The following ADAMTSL4 variants were observed in gnomAD, a reference collection of about 807,000 sequenced individuals.
The protein encoded by ADAMTSL4 is ADAMTS-like protein 4.
ADAMTSL4 carries 97 observed loss-of-function variants against 122.8 expected under a neutral mutation model. That is an observed-to-expected ratio of 0.79 (90% CI 0.67 to 0.93). The LOEUF (loss-of-function observed/expected upper bound fraction) is 0.93, where lower values mean the gene tolerates loss of function less well. Ranked by LOEUF, ADAMTSL4 falls within the 40% of genes least tolerant of loss-of-function variation. ADAMTSL4 has a pLI of 0.00. For missense variants in ADAMTSL4, 1,408 were observed against 1,453.5 expected (o/e 0.97, Z 0.51); for synonymous variants, 592 against 568.0 (o/e 1.04, Z -0.60).
chr1:150,558,315 G>T (rs746221240), intron 14 of ADAMTSL4, 158 bp from the exon 15 acceptor site: 15 of 1,509,728 alleles, frequency 9.9e-6, no homozygotes, highest in Non-Finnish European at 1.2e-5. Context: ...GGGACTGGGG[G>T]CCCAGGGCCC....
At position 150,559,094 on chromosome 1, in the gene ADAMTSL4, CCT is replaced by C. The variant is rs1672522185; in HGVS notation, c.2693_2694del (p.Pro898ArgfsTer11). On this transcript the variant is annotated frameshift_variant, in exon 16 of 19. Coordinates refer to ENST00000271643, the MANE Select transcript of ADAMTSL4 (RefSeq NM_019032.6). LOFTEE classifies it high-confidence loss of function. This position sits in a 1 kb window ranked among gnomAD's most constrained non-coding sequence, Gnocchi z 4.1. Reference sequence around the variant, plus strand: ...GAGCTGTCCAACAGGAAGCCGGCCCCCTGACATGCGCGCCTGCAGCCTGGGGC... The same window carrying C: ...GAGCTGTCCAACAGGAAGCCGGCCCCGACATGCGCGCCTGCAGCCTGGGGC... ...GQSCPTGSRP[P>X]DMRACSLGPC... is the part of the protein sequence containing the mutation. 8 of 1,612,926 alleles carry C rather than the reference CCT, an allele frequency of 5.0e-6. No homozygotes were observed. Among genetic ancestry groups the C allele is most frequent in the East Asian group, 2.2e-5 (1 of 44,868 alleles).
Position 150,550,013 on chromosome 1 carries a change from G to A in ADAMTSL4, c.-85+118G>A, listed in dbSNP as rs905647024. ...GAGGGCTCTGAGGGCCCGGGAATTC[G>A]GACTCAGGACAGGGATTCTCCATGG... On this transcript the variant is annotated intron_variant, in intron 2 of 18. Coordinates refer to ENST00000271643, the MANE Select transcript of ADAMTSL4 (RefSeq NM_019032.6). 29 of 272,748 alleles carry A rather than the reference G, an allele frequency of 1.1e-4. No homozygotes were observed. In the East Asian group the frequency reaches 2.8e-3, roughly 27 times the overall value. 16.9% of individuals were successfully genotyped at this position (272,748 alleles called of 1,614,324 possible). A position where few individuals can be genotyped will look rare whatever the true frequency, so the allele number is the denominator to read the frequency against.
rs753550085 is a variant in ADAMTSL4 at position 150,553,817 on chromosome 1, C to T, written c.826C>T (p.Arg276Cys). ...THSLGEGGFF[R>C]ASPQPRRPSS... is the part of the protein sequence containing the mutation. The stretch of plus-strand genomic sequence containing the variant: ...CTCCTTAGGAGAAGGTGGCTTCTTC[C>T]GTGCATCCCCTCAGCCACGAAGGCC... Residue 276 changes from arginine (R) to cysteine (C), a missense_variant, in exon 6 of 19, where the codon CGT becomes TGT. Physicochemically the swap from Arg to Cys is radical, Grantham distance 180. Transcript: ENST00000271643. 8.1e-6 allele frequency: 13 copies of T among 1,613,922 alleles called. No homozygotes were observed. The highest frequency in any genetic ancestry group is 5.5e-5 in the South Asian group (5 of 91,084).
rs1560293274 is a variant in ADAMTSL4 at position 150,555,642 on chromosome 1, T to TACACACATATGTATGAACACATGC, written c.1371+83_1371+106dup. 3.5e-5 allele frequency: 55 copies of TACACACATATGTATGAACACATGC among 1,574,808 alleles called. 1 individual carries two copies. Among genetic ancestry groups the TACACACATATGTATGAACACATGC allele is most frequent in the Non-Finnish European group, 4.6e-5 (53 of 1,155,610 alleles). ...ACATGCCCCCATATGCATACACATG[T>TACACACATATGTATGAACACATGC]ACACACATATGTATGAACACATGCA... On this transcript the variant is annotated intron_variant, in intron 8 of 18. Transcript: ENST00000271643.
chr1:150,557,828 G>C, intron 13 of ADAMTSL4, 117 bp from the exon 14 acceptor site: 6 of 1,411,000 alleles, frequency 4.3e-6, no homozygotes, highest in Non-Finnish European at 5.8e-6. Context: ...AACGCCAAAC[G>C]TGCCCACTCT....
In ADAMTSL4 at chr1:150,556,647, A is replaced by G. The variant is rs202041000; in HGVS notation, c.1603A>G (p.Ile535Val). The change falls in exon 10 of 19, where the codon ATC becomes GTC. Residue 535 changes from isoleucine to valine, a missense_variant. Physicochemically the swap from Ile to Val is conservative, Grantham distance 29 (BLOSUM62 3). Coordinates refer to ENST00000271643, the MANE Select transcript of ADAMTSL4 (RefSeq NM_019032.6). This position sits in a 1 kb window ranked among gnomAD's most constrained non-coding sequence, Gnocchi z 4.1. ...ACTTCGTGGCCCTGGGGGCCGGTCC[A>G]TCATCAATGGGAACTGGGCTGTGGA... ...LALRGPGGRS[I>V]INGNWAVDPP... is the part of the protein sequence containing the mutation. 1.9e-6 allele frequency: 3 copies of G among 1,614,002 alleles called. No individual in the cohort carries two copies. The highest frequency in any genetic ancestry group is 1.7e-6 in the Non-Finnish European group (2 of 1,180,002).
At chr1:150,551,679 G>A (rs587732756) in intron 2 of ADAMTSL4, 36 of 155,598 alleles carry the variant, frequency 2.3e-4, no homozygotes, top group Admixed American at 2.0e-3. Context: ...CAGGAGAAGC[G>A]CTTGAGGCCT....
chr1:150,558,753 TGC>T (rs758669287), intron 15 of ADAMTSL4, 104 bp downstream of exon 15: 16 of 1,592,518 alleles, frequency 1.0e-5, no homozygotes, highest in Non-Finnish European at 1.4e-5. Flanking sequence ...ATCAAGCGCC[TGC>T]TATATGCCTG....
rs755516700 is a variant in ADAMTSL4, at chr1:150,557,943, A to G, written c.2178-2A>G. On this transcript the variant is annotated splice_acceptor_variant, in intron 13 of 18. Coordinates refer to ENST00000271643, the MANE Select transcript of ADAMTSL4 (RefSeq NM_019032.6). LOFTEE classifies it high-confidence loss of function. The stretch of plus-strand genomic sequence containing the variant: ...TCTTCCCTGCCCTGCTGGTGCCTGC[A>G]GCTGGGAGGCTGGCGAGTGGACATC... 6 of 1,605,510 alleles carry G rather than the reference A, an allele frequency of 3.7e-6. No homozygotes were observed. The highest frequency in any genetic ancestry group is 1.1e-5 in the South Asian group (1 of 90,974).
chr1:150,555,733 GCACA>G (rs369710144), intron 8 of ADAMTSL4, among the ~76,000 whole-genome samples, 168 bp downstream of exon 8: 1 of 150,142 alleles, frequency 6.7e-6, no homozygotes, highest in Admixed American at 6.6e-5. Context: ...ACACACACAC[GCACA>G]CACACGCATA....
At chr1:150,550,085 T>C (rs1052013873) in intron 2 of ADAMTSL4, 190 bp downstream of exon 2, 1 of 369,242 alleles carries the variant, frequency 2.7e-6, no homozygotes, top group Non-Finnish European at 5.5e-6. Context: ...CAGGGAGACC[T>C]GGGGGTGAAG....
intron 13 of ADAMTSL4, 159 bp downstream of exon 13, chr1:150,557,782 C>A: frequency 1.5e-6 from 2 of 1,302,458 alleles, no homozygotes; most frequent in South Asian, 1.4e-5. Flanking sequence ...GCAAGAAAGC[C>A]ATGGCAGGCT....
Position 150,555,656 on chromosome 1 carries a change from T to G in ADAMTSL4, c.1371+91T>G, listed in dbSNP as rs1047397817. 4 of 1,563,200 alleles carry G rather than the reference T, an allele frequency of 2.6e-6. No individual in the cohort carries two copies. The South Asian group carries it at 4.6e-5, about 18-fold the overall frequency. On this transcript the variant is annotated intron_variant, in intron 8 of 18. Coordinates refer to ENST00000271643, the MANE Select transcript of ADAMTSL4 (RefSeq NM_019032.6). The stretch of plus-strand genomic sequence containing the variant: ...GCATACACATGTACACACATATGTA[T>G]GAACACATGCACACATGCAAGCACA...
chr1:150,550,575 G>C (rs1325301026), intron 2 of ADAMTSL4: 6 of 374,928 alleles, frequency 1.6e-5, no homozygotes, highest in Non-Finnish European at 3.2e-5. Flanking sequence ...ATCAGAGAAG[G>C]GGCAGGCAGT....
chr1:150,557,568 G>A lies in ADAMTSL4; in HGVS notation c.2122G>A (p.Gly708Ser), dbSNP rs1672298052. Residue 708 changes from glycine (G) to serine (S), a missense_variant, in exon 13 of 19, where the codon GGT (glycine) becomes AGT (serine). Physicochemically the swap from Gly to Ser is moderately conservative, Grantham distance 56. Coordinates refer to ENST00000271643, the MANE Select transcript of ADAMTSL4 (RefSeq NM_019032.6). ...EELDERSCAAGARPPASPEPC... is the reference protein window; with the variant it reads ...EELDERSCAASARPPASPEPC... ...ACTGGATGAACGCAGCTGTGCCGCG[G>A]GTGCCAGGCCCCCAGCCTCCCCTGA... The A allele has an allele frequency of 6.2e-7, 1 of 1,606,504 alleles. No individual in the cohort carries two copies. The highest frequency in any genetic ancestry group is 1.1e-5 in the South Asian group (1 of 90,182).
chr1:150,553,025 G>A lies in ADAMTSL4; in HGVS notation c.206G>A (p.Arg69Gln), dbSNP rs780795465. ...PCGVGVQRRS[R>Q]TCQLPTVQLH... ...GGGGTGGGGGTGCAGCGCAGGAGCC[G>A]GACATGTCAGCTCCCTACAGTGCAG... Residue 69 changes from arginine (R) to glutamine (Q), a missense_variant, in exon 5 of 19, where the codon CGG becomes CAG. Coordinates refer to ENST00000271643, the MANE Select transcript of ADAMTSL4 (RefSeq NM_019032.6). The A allele has an allele frequency of 1.1e-5, 17 of 1,613,276 alleles. 1 individual carries two copies. Among genetic ancestry groups the A allele is most frequent in the South Asian group, 6.6e-5 (6 of 91,064 alleles).
At chr1:150,550,932 AG>A (rs1671344455) in intron 2 of ADAMTSL4, 1 of 456,260 alleles carries the variant, frequency 2.2e-6, no homozygotes, top group African/African-American at 2.0e-5. Context: ...GGCCCACCTC[AG>A]CAATGCGAGG....
chr1:150,557,713 A>C, intron 13 of ADAMTSL4, 90 bp downstream of exon 13: 1 of 1,446,604 alleles, frequency 6.9e-7, no homozygotes, highest in East Asian at 2.4e-5. Context: ...CACTCAACGC[A>C]ACATCTCCTG....
intron 2 of ADAMTSL4, chr1:150,551,089 G>T (rs1265033009): frequency 6.9e-6 from 3 of 434,668 alleles, no homozygotes; most frequent in Non-Finnish European, 1.4e-5. Context: ...AGTCAGGCTT[G>T]GTGGCTGGGG....
Sources: allele counts gnomAD v4.1 joint callset (sites outside exome capture counted in the v4.1 genomes callset), GRCh38; gene constraint gnomAD v4.1.1; non-coding constraint Gnocchi (gnomAD v3.1); transcripts MANE v1.5; gene names NCBI Gene and HGNC (gene_info 2026-07-23, HGNC 2026-07-21).